TTC29: variants seen among roughly 807,000 people sequenced by gnomAD.
TTC29 encodes tetratricopeptide repeat protein 29.
In TTC29, 49 loss-of-function variants were observed where a neutral mutation model predicts 58.1. That is an observed-to-expected ratio of 0.84 (90% CI 0.67 to 1.07). The LOEUF (loss-of-function observed/expected upper bound fraction) is 1.07. Ranked by LOEUF, TTC29 falls within the 50% of genes least tolerant of loss-of-function variation. TTC29 has a pLI of 0.00. For synonymous variants in TTC29, 209 were observed against 196.8 expected (o/e 1.06, Z -0.52); for missense variants, 582 against 555.6 (o/e 1.05, Z -0.48).
Position 146,707,105 on chromosome 4 carries a change from C to A in TTC29, c.*53G>T. The A allele has an allele frequency of 1.4e-6, 2 of 1,399,806 alleles. No individual in the cohort carries two copies. The highest frequency in any genetic ancestry group is 2.9e-5 in the South Asian group (2 of 70,024). 86.7% of individuals were successfully genotyped at this position (1,399,806 alleles called of 1,614,324 possible). On this transcript the variant is annotated 3_prime_UTR_variant, in exon 13 of 13. Coordinates refer to ENST00000325106, the MANE Select transcript of TTC29 (RefSeq NM_031956.4). ...ATGCTCCTATTACAAGTATTGAAGT[C>A]TAAGGTGACATGATGGATTTCTTCT...
At chr4:146,896,828 T>A (rs1732803529) in intron 6 of TTC29, among the ~76,000 whole-genome samples, 1 of 152,198 alleles carries the variant, frequency 6.6e-6, no homozygotes, top group South Asian at 2.1e-4. Context: ...CAGGACATTG[T>A]ATTGAATGCC....
At chr4:146,854,695 G>A (rs1005060346) in intron 8 of TTC29, among the ~76,000 whole-genome samples, 4 of 152,030 alleles carry the variant, frequency 2.6e-5, no homozygotes, top group African/African-American at 4.8e-5. Flanking sequence ...CACTCACACC[G>A]TCACTCTTGG....
At chr4:146,823,032 G>C (rs1751948812) in intron 9 of TTC29, among the ~76,000 whole-genome samples, 1 of 151,512 alleles carries the variant, frequency 6.6e-6, no homozygotes, top group Non-Finnish European at 1.5e-5. Context: ...GATTGCAAAA[G>C]TGTTCTCCCA....
Position 146,937,574 on chromosome 4 carries a change from C to A in TTC29, c.176+20G>T, listed in dbSNP as rs777474961. 3.1e-5 allele frequency: 44 copies of A among 1,405,858 alleles called. No individual in the cohort carries two copies. The East Asian group carries it at 1.1e-3, about 35-fold the overall frequency. The allele number at this position is 1,405,858 out of a possible 1,614,324, so 87.1% of individuals were successfully genotyped here. A position where few individuals can be genotyped will look rare whatever the true frequency, so the allele number is the denominator to read the frequency against. ...AAGAAACAAACTTTATATTAAAGTA[C>A]CTTTAAAGGTTGTACTTACGCAGCA... On this transcript the variant is annotated intron_variant, in intron 4 of 12. Transcript: ENST00000325106.
intron 11 of TTC29, among the ~76,000 whole-genome samples, chr4:146,744,641 T>C (rs1048412076): frequency 4.6e-5 from 7 of 152,176 alleles, no homozygotes; most frequent in Non-Finnish European, 8.8e-5. Flanking sequence ...ATCTCTCTGC[T>C]GAGCAGGATG....
rs57991014 is a variant in TTC29, at chr4:146,861,783, G to GA, written c.885+5714dup. Among the ~76,000 whole-genome samples the GA allele has an allele frequency of 1.1e-4, 16 of 146,160 alleles. 1 individual carries two copies. The highest frequency in any genetic ancestry group is 6.5e-4 in the South Asian group (3 of 4,616). On this transcript the variant is annotated intron_variant, in intron 8 of 12. Coordinates refer to ENST00000325106, the MANE Select transcript of TTC29 (RefSeq NM_031956.4). The stretch of plus-strand genomic sequence containing the variant: ...CACTTGTGTTTATCCAAGTTTCTTT[G>GA]AAAAAAAAAAGTAAAAATATTTAGA...
intron 11 of TTC29, among the ~76,000 whole-genome samples, chr4:146,711,829 T>G (rs1197120902): frequency 6.6e-6 from 1 of 152,078 alleles, no homozygotes; most frequent in Non-Finnish European, 1.5e-5. Flanking sequence ...TCATATAAAA[T>G]TACTCTGGAA....
At chr4:146,799,685 T>C (rs10471065) in intron 11 of TTC29, among the ~76,000 whole-genome samples, 6,993 of 152,274 alleles carry the variant, frequency 0.046, 233 homozygotes, top group East Asian at 0.13. Context: ...CTTATTTCTC[T>C]GATGTCATTT....
intron 6 of TTC29, among the ~76,000 whole-genome samples, chr4:146,879,898 G>A (rs999551319): frequency 1.3e-5 from 2 of 152,118 alleles, no homozygotes; most frequent in African/African-American, 4.8e-5. Flanking sequence ...AGTCTTTGTA[G>A]GGGAAAGTGA....
intron 11 of TTC29, among the ~76,000 whole-genome samples, chr4:146,788,466 C>T (rs17021953): frequency 0.061 from 9,250 of 152,216 alleles, 389 homozygotes; most frequent in Admixed American, 0.13. Flanking sequence ...ATCAAATGTG[C>T]CAGATTGGAG....
intron 8 of TTC29, among the ~76,000 whole-genome samples, chr4:146,866,909 A>G (rs1730597717): frequency 6.6e-6 from 1 of 152,192 alleles, no homozygotes; most frequent in Non-Finnish European, 1.5e-5. Context: ...ATAATTCAGG[A>G]AAGATCGCTC....
In TTC29 at chr4:146,786,793, G is replaced by GA. The variant is rs199728601; in HGVS notation, c.1330+16663dup. On this transcript the variant is annotated intron_variant, in intron 11 of 12. Coordinates refer to ENST00000325106, the MANE Select transcript of TTC29 (RefSeq NM_031956.4). The stretch of plus-strand genomic sequence containing the variant: ...TTTTAGAAGCTAATATTTAGGCCCA[G>GA]AAAAAAAATCTAACCTTTATAAAAG... Among the ~76,000 whole-genome samples, 881 of 152,000 alleles carry GA rather than the reference G, an allele frequency of 5.8e-3. 7 individuals carry two copies. Among genetic ancestry groups the GA allele is most frequent in the African/African-American group, 0.019 (802 of 41,446 alleles).
chr4:146,849,672 G>GAA (rs375432427), intron 8 of TTC29, among the ~76,000 whole-genome samples: 1 of 145,142 alleles, frequency 6.9e-6, no homozygotes. Context: ...TTTTCACTTA[G>GAA]AAAAAAAAAA....
At chr4:146,745,347 G>A (rs552660288) in intron 11 of TTC29, among the ~76,000 whole-genome samples, 3 of 152,324 alleles carry the variant, frequency 2.0e-5, no homozygotes, top group South Asian at 4.1e-4. Context: ...ATGCTGGCAG[G>A]TAGATAGAGA....
intron 8 of TTC29, among the ~76,000 whole-genome samples, chr4:146,859,288 C>G (rs555390988): frequency 3.9e-4 from 59 of 151,986 alleles, no homozygotes; most frequent in Non-Finnish European, 6.6e-4. Flanking sequence ...CAGAAAGGAC[C>G]CAAAGGAACA....
At chr4:146,836,241 C>T (rs1400212599) in intron 8 of TTC29, among the ~76,000 whole-genome samples, 1 of 152,148 alleles carries the variant, frequency 6.6e-6, no homozygotes, top group African/African-American at 2.4e-5. Flanking sequence ...TGTCCCTCCT[C>T]AAAGTAAGGA....
In TTC29 at chr4:146,874,917, C is replaced by G. The variant is rs568732006; in HGVS notation, c.598G>C (p.Glu200Gln). ...AATGCTTCATAATGCTCAGCAGCTT[C>G]CAGAAGCTGACCTGGAGAATAAAAG... Reference protein sequence around the residue: ...LLYEEDGQLLEAAEHYEAFHQ... With the variant: ...LLYEEDGQLLQAAEHYEAFHQ... Residue 200 changes from glutamate (E) to glutamine (Q), a missense_variant, in exon 7 of 13, where the codon GAA (glutamate) becomes CAA (glutamine). By Grantham distance (29) the Glu-to-Gln change is conservative (BLOSUM62 2). Coordinates refer to ENST00000325106, the MANE Select transcript of TTC29 (RefSeq NM_031956.4). 5.8e-5 allele frequency: 93 copies of G among 1,612,914 alleles called. 1 individual carries two copies. The South Asian group carries it at 1.0e-3, about 17-fold the overall frequency.
rs551012362 is a variant in TTC29, at chr4:146,927,320, T to C, written c.176+10274A>G. The stretch of plus-strand genomic sequence containing the variant: ...TAAGTAACTTCCCCAAAGTCAACCA[T>C]TTACTTTGTTAATGAGAGTAAATCT... On this transcript the variant is annotated intron_variant, in intron 4 of 12. Coordinates refer to ENST00000325106, the MANE Select transcript of TTC29 (RefSeq NM_031956.4). Among the ~76,000 whole-genome samples, 3 of 152,260 alleles carry C rather than the reference T, an allele frequency of 2.0e-5. No homozygotes were observed. The South Asian group carries it at 6.2e-4, about 32-fold the overall frequency.
chr4:146,756,206 G>C (rs528866724), intron 11 of TTC29, among the ~76,000 whole-genome samples: 1 of 150,266 alleles, frequency 6.7e-6, no homozygotes, highest in East Asian at 2.0e-4. Flanking sequence ...TCGGGAGGCA[G>C]AGCTTGCAGT....
Sources: allele counts gnomAD v4.1 joint callset (sites outside exome capture counted in the v4.1 genomes callset), GRCh38; gene constraint gnomAD v4.1.1; transcripts MANE v1.5; gene names NCBI Gene and HGNC (gene_info 2026-07-23, HGNC 2026-07-21).